The following STRBP variants were observed in gnomAD, a reference collection of about 807,000 sequenced individuals.
The protein encoded by STRBP is spermatid perinuclear RNA binding protein, also known as spermatid perinuclear RNA-binding protein.
STRBP carries 13 observed loss-of-function variants against 80.1 expected under a neutral mutation model. That is an observed-to-expected ratio of 0.16 (90% confidence interval 0.11 to 0.26). STRBP has a LOEUF of 0.26. Ranked by LOEUF, STRBP falls within the 10% of genes least tolerant of loss-of-function variation. The pLI is 1.00. For synonymous variants in STRBP, 284 were observed against 291.2 expected (o/e 0.98, Z 0.25); for missense variants, 485 against 815.2 (o/e 0.59, Z 4.93).
At chr9:123,199,801 T>C (rs761395529) in intron 2 of STRBP, among the ~76,000 whole-genome samples, 3 of 152,216 alleles carry the variant, frequency 2.0e-5, no homozygotes, top group African/African-American at 4.8e-5. Flanking sequence ...CATACAATCA[T>C]ATCATCTGCA....
At chr9:123,231,400 GT>G (rs1234291384) in intron 2 of STRBP, among the ~76,000 whole-genome samples, 1 of 152,140 alleles carries the variant, frequency 6.6e-6, no homozygotes, top group Non-Finnish European at 1.5e-5. Flanking sequence ...CTTTTAGATT[GT>G]GAAATATAAC....
At chr9:123,153,603 A>G (rs1231330559) in intron 11 of STRBP, among the ~76,000 whole-genome samples, 5 of 152,324 alleles carry the variant, frequency 3.3e-5, no homozygotes, top group African/African-American at 9.6e-5. Flanking sequence ...AGAGTTTCCA[A>G]TGACTGGGAC....
chr9:123,148,297 G>A (rs1404421803), intron 11 of STRBP, among the ~76,000 whole-genome samples: 2 of 152,088 alleles, frequency 1.3e-5, no homozygotes, highest in South Asian at 2.1e-4. Flanking sequence ...CTGCCATGTG[G>A]GGATACATAG....
intron 16 of STRBP, among the ~76,000 whole-genome samples, chr9:123,134,374 TAACCTCTACCTCTAGTATGAATGGGCAGG>T (rs553193067): frequency 1.9e-3 from 295 of 152,332 alleles, no homozygotes; most frequent in Non-Finnish European, 3.1e-3. Flanking sequence ...CTTTCCAGGA[TAACCTCTACCTCTAGTATGAATGGGCAGG>T]AACCTCTACC....
intron 2 of STRBP, among the ~76,000 whole-genome samples, chr9:123,198,459 AT>A (rs927820975): frequency 2.7e-5 from 4 of 149,332 alleles, no homozygotes; most frequent in African/African-American, 4.9e-5. Context: ...TTTTAATGGG[AT>A]TTTTTTTTTC....
intron 1 of STRBP, among the ~76,000 whole-genome samples, chr9:123,243,070 T>G (rs141178774): frequency 1.3e-3 from 193 of 152,236 alleles, no homozygotes; most frequent in African/African-American, 4.2e-3. Context: ...AGACTTATTA[T>G]ATAGCCACAG....
chr9:123,132,712 T>C, intron 17 of STRBP, 133 bp downstream of exon 17: 2 of 1,293,776 alleles, frequency 1.5e-6, no homozygotes, highest in South Asian at 1.6e-5. Flanking sequence ...TTCTCTACTT[T>C]TAAATTTCTG....
chr9:123,159,735 T>C (rs2037443716), intron 8 of STRBP, among the ~76,000 whole-genome samples: 1 of 152,258 alleles, frequency 6.6e-6, no homozygotes, highest in Non-Finnish European at 1.5e-5. Flanking sequence ...CATTGCTACA[T>C]TCATTTATAA....
intron 1 of STRBP, among the ~76,000 whole-genome samples, chr9:123,259,535 C>T (rs929461368): frequency 2.6e-5 from 4 of 152,098 alleles, no homozygotes; most frequent in Admixed American, 6.6e-5. Flanking sequence ...GGAGAAACCC[C>T]GTCTCTACTA....
At chr9:123,222,726 A>C (rs1009101837) in intron 2 of STRBP, among the ~76,000 whole-genome samples, 64 of 152,208 alleles carry the variant, frequency 4.2e-4, no homozygotes, top group African/African-American at 1.5e-3. Flanking sequence ...CCTCTTAAAG[A>C]AGTTGAATTA....
At chr9:123,208,222 T>C (rs1379744932) in intron 2 of STRBP, among the ~76,000 whole-genome samples, 1 of 152,052 alleles carries the variant, frequency 6.6e-6, no homozygotes, top group Non-Finnish European at 1.5e-5. Context: ...AAAGTCACTG[T>C]CACTATAACG....
chr9:123,197,434 G>A (rs912192479), intron 2 of STRBP, among the ~76,000 whole-genome samples: 1 of 152,102 alleles, frequency 6.6e-6, no homozygotes, highest in Middle Eastern at 3.4e-3. Flanking sequence ...AAATTTTAGT[G>A]CACTCATCAC....
At chr9:123,206,927 C>T (rs990738081) in intron 2 of STRBP, among the ~76,000 whole-genome samples, 1 of 152,076 alleles carries the variant, frequency 6.6e-6, no homozygotes, top group African/African-American at 2.4e-5. Flanking sequence ...CATGAGCCAC[C>T]GCGCCCAGCC....
At chr9:123,131,353 G>A (rs2132308732) in intron 17 of STRBP, among the ~76,000 whole-genome samples, 1 of 152,306 alleles carries the variant, frequency 6.6e-6, no homozygotes, top group Admixed American at 6.5e-5. Context: ...CTGGGACTGA[G>A]TCATCCAGCT....
At chr9:123,203,693 C>T (rs1362236269) in intron 2 of STRBP, among the ~76,000 whole-genome samples, 2 of 152,144 alleles carry the variant, frequency 1.3e-5, no homozygotes, top group Non-Finnish European at 2.9e-5. Flanking sequence ...CGACCTCGGC[C>T]AGGCGCGGTG....
intron 12 of STRBP, 92 bp downstream of exon 12, chr9:123,147,686 A>C: frequency 9.1e-7 from 1 of 1,095,016 alleles, no homozygotes; most frequent in South Asian, 1.6e-5. Context: ...TCAAAAAAAA[A>C]AAAAAAAAAA....
intron 14 of STRBP, among the ~76,000 whole-genome samples, chr9:123,138,806 GA>G (rs2036467883): frequency 6.6e-6 from 1 of 152,166 alleles, no homozygotes; most frequent in African/African-American, 2.4e-5. Context: ...TTTATGGACT[GA>G]AAAAATTAGT....
intron 2 of STRBP, among the ~76,000 whole-genome samples, chr9:123,227,757 G>A (rs1313153468): frequency 6.6e-6 from 1 of 151,586 alleles, no homozygotes; most frequent in African/African-American, 2.4e-5. Flanking sequence ...TAGAGACAAG[G>A]TTTCACCATG....
chr9:123,229,653 G>C (rs1042787138), intron 2 of STRBP, among the ~76,000 whole-genome samples: 8 of 152,190 alleles, frequency 5.3e-5, no homozygotes, highest in Admixed American at 1.3e-4. Flanking sequence ...TTTGATAGAA[G>C]CACATGTAGT....
Sources: allele counts gnomAD v4.1 joint callset (sites outside exome capture counted in the v4.1 genomes callset), GRCh38; gene constraint gnomAD v4.1.1; transcripts MANE v1.5; gene names NCBI Gene and HGNC (gene_info 2026-07-23, HGNC 2026-07-21).